The following BOP1 variants were observed in gnomAD, a reference collection of about 807,000 sequenced individuals.
BOP1 encodes BOP1 ribosomal biogenesis factor, also known as ribosome biogenesis protein BOP1.
In BOP1, 54 loss-of-function variants were observed where a neutral mutation model predicts 82.9. The ratio of observed to expected loss-of-function variants is 0.65; its 90% CI spans 0.52 to 0.82. The LOEUF (loss-of-function observed/expected upper bound fraction) is 0.82, where lower values mean the gene tolerates loss of function less well. BOP1 is among the 40% of genes least tolerant of loss of function. The pLI, the probability that BOP1 is intolerant of heterozygous loss-of-function variation, is 0.00. For synonymous variants in BOP1, 566 were observed against 451.1 expected, an observed-to-expected ratio of 1.25 and a Z score of -3.23; for missense variants, 1,170 against 1,072.0, an observed-to-expected ratio of 1.09 and a Z score of -1.28.
At chr8:144,272,971 A>C (rs1554837959) in intron 3 of BOP1, among the ~76,000 whole-genome samples, 1 of 152,084 alleles carries the variant, frequency 6.6e-6, no homozygotes, top group Non-Finnish European at 1.5e-5. Context: ...GCCCCAGCCC[A>C]GTCAGCAGCC....
At position 144,262,639 on chromosome 8, in the gene BOP1, T is replaced by C; in HGVS notation, c.1928A>G (p.Lys643Arg). The C allele has an allele frequency of 6.2e-7, 1 of 1,613,388 alleles. No individual in the cohort carries two copies. The highest frequency in any genetic ancestry group is 8.5e-7 in the Non-Finnish European group (1 of 1,179,816). Residue 643 changes from lysine (K) to arginine (R), a missense_variant, in exon 14 of 16, where the codon AAG (lysine) becomes AGG (arginine). Transcript: ENST00000569669. ...DNVICGSYDS[K>R]LVWFDLDLST... is the part of the protein sequence containing the mutation. ...AAGATCCAGGTCAAACCACACCAGCTTGCTATCGTAGCTCCCACAGATGAC... is the reference window on the plus strand; with the variant it reads ...AAGATCCAGGTCAAACCACACCAGCCTGCTATCGTAGCTCCCACAGATGAC...
chr8:144,289,511 C>G (rs1554839871), intron 1 of BOP1, among the ~76,000 whole-genome samples: 1 of 152,254 alleles, frequency 6.6e-6, no homozygotes, highest in Admixed American at 6.5e-5. Flanking sequence ...GACAAGACAG[C>G]CTCTTGCCTT....
intron 2 of BOP1, among the ~76,000 whole-genome samples, chr8:144,278,440 C>G (rs1476583553): frequency 6.6e-6 from 1 of 152,214 alleles, no homozygotes; most frequent in East Asian, 1.9e-4. Flanking sequence ...AGCCTCCCCT[C>G]CCCAGCATCA....
rs1328520376 is a variant in BOP1 at position 144,264,075 on chromosome 8, C to T, written c.1046G>A (p.Ser349Asn). 1 of 1,610,132 alleles carries T rather than the reference C, an allele frequency of 6.2e-7. No homozygotes were observed. The highest frequency in any genetic ancestry group is 8.5e-7 in the Non-Finnish European group (1 of 1,179,556). The change falls in exon 8 of 16, where the codon AGC becomes AAC. Residue 349 changes from serine to asparagine, a missense_variant. Coordinates refer to ENST00000569669, the MANE Select transcript of BOP1 (RefSeq NM_015201.5). ...KLSFLPRKFP[S>N]LRAVPAYGRF... ...TCCGTAGGCAGGCACGGCCCGCAGG[C>T]TCGGGAACTTGCGTGGCAAAAAGCT...
chr8:144,273,695 C>T (rs1260262970), intron 3 of BOP1, among the ~76,000 whole-genome samples: 1 of 152,210 alleles, frequency 6.6e-6, no homozygotes, highest in African/African-American at 2.4e-5. Context: ...GGGGTCCCAG[C>T]GGCTGGATGA....
chr8:144,264,942 C>G lies in BOP1; in HGVS notation c.520G>C (p.Asp174His). ...CAGTAGTCAGGATCGTCCATCTTGT[C>G]CAGGAACTGGTCCAGCTCATCCCGG... ...RTRDELDQFL[D>H]KMDDPDYWRT... The change falls in exon 4 of 16, where the codon GAC (aspartate) becomes CAC (histidine). Residue 174 changes from aspartate to histidine, a missense_variant. Asp to His is a moderately conservative substitution (Grantham distance 81, BLOSUM62 -1). Transcript: ENST00000569669. 6.2e-7 allele frequency: 1 copy of G among 1,611,214 alleles called. No homozygotes were observed. The highest frequency in any genetic ancestry group is 8.5e-7 in the Non-Finnish European group (1 of 1,179,496).
chr8:144,289,260 G>T lies in BOP1; in HGVS notation c.144C>A (p.Ser48Arg), dbSNP rs768626008. The T allele has an allele frequency of 6.2e-7, 1 of 1,613,846 alleles. No individual in the cohort carries two copies. The highest frequency in any genetic ancestry group is 8.5e-7 in the Non-Finnish European group (1 of 1,179,918). ...CCTCGCTGTCGGAGACGCCAGAATCGCTGCCGGTGCTGTGGCTGAGAGGAG... is the reference window on the plus strand; with the variant it reads ...CCTCGCTGTCGGAGACGCCAGAATCTCTGCCGGTGCTGTGGCTGAGAGGAG... ...CTSPLSHSTG[S>R]DSGVSDSEES... The change falls in exon 2 of 16, where the codon AGC becomes AGA. Residue 48 changes from serine to arginine, a missense_variant. Ser to Arg is a moderately radical substitution (Grantham distance 110). Transcript: ENST00000569669.
chr8:144,262,650 G>A lies in BOP1; in HGVS notation c.1917C>T (p.Ser639=). 2 of 1,613,354 alleles carry A rather than the reference G, an allele frequency of 1.2e-6. No homozygotes were observed. The highest frequency in any genetic ancestry group is 2.2e-5 in the East Asian group (1 of 44,862). Residue 639 remains serine (S), a synonymous_variant, in exon 14 of 16, where the codon AGC becomes AGT. Transcript: ENST00000569669. ...HPAGDNVICG[S]YDSKLVWFDL... ...CAAACCACACCAGCTTGCTATCGTA[G>A]CTCCCACAGATGACGTTGTCACCTA...
Position 144,270,571 on chromosome 8 carries a change from G to A in BOP1, c.391-5500C>T, listed in dbSNP as rs970880923. ...GTAGCAGCGGCCGAGGGCCCGGCCC[G>A]CCAGCCAGCAAGAGGGGAGGGGCGG... On this transcript the variant is annotated intron_variant, in intron 3 of 15. Coordinates refer to ENST00000569669, the MANE Select transcript of BOP1 (RefSeq NM_015201.5). Among the ~76,000 whole-genome samples, 6 of 152,244 alleles carry A rather than the reference G, an allele frequency of 3.9e-5. No individual in the cohort carries two copies. The East Asian group carries it at 5.8e-4, about 15-fold the overall frequency.
chr8:144,286,738 G>A (rs546278719), intron 2 of BOP1, among the ~76,000 whole-genome samples: 111 of 152,342 alleles, frequency 7.3e-4, no homozygotes, highest in Non-Finnish European at 1.1e-3. Flanking sequence ...CCACCAGCCC[G>A]GCCGGCCTTG....
intron 2 of BOP1, among the ~76,000 whole-genome samples, chr8:144,286,293 C>T (rs1368758937): frequency 2.6e-5 from 4 of 152,290 alleles, no homozygotes; most frequent in Admixed American, 2.0e-4. Flanking sequence ...CCCAAGGTGC[C>T]CCTCAGCTAA....
intron 2 of BOP1, among the ~76,000 whole-genome samples, chr8:144,278,442 C>A (rs150411342): frequency 6.6e-6 from 1 of 152,350 alleles, no homozygotes; most frequent in East Asian, 1.9e-4. Flanking sequence ...CCTCCCCTCC[C>A]CAGCATCAGG....
Position 144,291,224 on chromosome 8 carries a change from C to A in BOP1, c.99+48G>T, listed in dbSNP as rs1554840162. ...CCGCCCCAGCGCGGCCACGTGCCCG[C>A]CGGGCCCTCTAGGGACGCGCCCCGC... On this transcript the variant is annotated intron_variant, in intron 1 of 15. Transcript: ENST00000569669. The surrounding 1 kb of genome is among the most constrained non-coding windows in gnomAD (Gnocchi z 4.1). 1 of 1,384,150 alleles carries A rather than the reference C, an allele frequency of 7.2e-7. No individual in the cohort carries two copies. The highest frequency in any genetic ancestry group is 9.3e-7 in the Non-Finnish European group (1 of 1,072,982). The allele number at this position is 1,384,150 out of a possible 1,614,324, so 85.7% of individuals were successfully genotyped here.
intron 2 of BOP1, among the ~76,000 whole-genome samples, chr8:144,277,259 C>T (rs1554838369): frequency 6.6e-6 from 1 of 152,166 alleles, no homozygotes; most frequent in Non-Finnish European, 1.5e-5. Context: ...AGTTTTTTCC[C>T]AGGCCAGGAA....
intron 1 of BOP1, among the ~76,000 whole-genome samples, chr8:144,289,567 T>C (rs1554839884): frequency 6.6e-6 from 1 of 152,196 alleles, no homozygotes; most frequent in Non-Finnish European, 1.5e-5. Flanking sequence ...GAAGGGGCTT[T>C]TCAAGGACAA....
In BOP1 at chr8:144,262,057, G is replaced by T. The variant is rs1264464003; in HGVS notation, c.*107C>A. The T allele has an allele frequency of 2.6e-6, 4 of 1,520,090 alleles. No homozygotes were observed. Among genetic ancestry groups the T allele is most frequent in the Non-Finnish European group, 3.6e-6 (4 of 1,113,114 alleles). The allele number at this position is 1,520,090 out of a possible 1,614,324, so 94.2% of individuals were successfully genotyped here. On this transcript the variant is annotated 3_prime_UTR_variant, in exon 16 of 16. Transcript: ENST00000569669. ...GAAGGCTCGGCGCTGTGGTGGGGGCGGCTTTGTTGGCAACCCCAATTCAAG... is the reference window on the plus strand; with the variant it reads ...GAAGGCTCGGCGCTGTGGTGGGGGCTGCTTTGTTGGCAACCCCAATTCAAG...
chr8:144,266,455 C>A, intron 3 of BOP1: 2 of 967,254 alleles, frequency 2.1e-6, no homozygotes, highest in Non-Finnish European at 2.5e-6. Flanking sequence ...CCCGCTCCGG[C>A]CCGGGACGCA....
At chr8:144,266,237 C>T (rs1434108315) in intron 3 of BOP1, among the ~76,000 whole-genome samples, 6 of 152,138 alleles carry the variant, frequency 3.9e-5, no homozygotes, top group African/African-American at 1.4e-4. Flanking sequence ...GTAACTACAG[C>T]CCAGAAGCGA....
chr8:144,263,366 C>T lies in BOP1; in HGVS notation c.1460G>A (p.Gly487Glu), dbSNP rs1478998245. Residue 487 changes from glycine (G) to glutamate (E), a missense_variant, in exon 12 of 16, where the codon GGG becomes GAG. Physicochemically the swap from Gly to Glu is moderately conservative, Grantham distance 98. Coordinates refer to ENST00000569669, the MANE Select transcript of BOP1 (RefSeq NM_015201.5). ...TGTGCTGCCCGCCACCAGCCGGTCC[C>T]CCAGAGCTGGGTTCAGCAGCAGCAC... ...DSVLLLNPALGDRLVAGSTDQ... is the reference protein window; with the variant it reads ...DSVLLLNPALEDRLVAGSTDQ... 2.9e-5 allele frequency: 47 copies of T among 1,597,062 alleles called. No homozygotes were observed. The Admixed American group carries it at 5.0e-4, about 17-fold the overall frequency.
Sources: allele counts gnomAD v4.1 joint callset (sites outside exome capture counted in the v4.1 genomes callset), GRCh38; gene constraint gnomAD v4.1.1; non-coding constraint Gnocchi (gnomAD v3.1); transcripts MANE v1.5; gene names NCBI Gene and HGNC (gene_info 2026-07-23, HGNC 2026-07-21).